CNTNAP2: variants seen among roughly 807,000 people sequenced by gnomAD.
CNTNAP2 encodes the protein contactin-associated protein-like 2.
In CNTNAP2, 98 loss-of-function variants were observed where a neutral mutation model predicts 155.2. The observed-to-expected ratio is 0.63, with a 90% CI of 0.54 to 0.75. The LOEUF is 0.75. Among genes scored for constraint, CNTNAP2 ranks in the 30% least tolerant of loss-of-function variants. The pLI, the probability that CNTNAP2 is intolerant of heterozygous loss-of-function variation, is 0.00. For missense variants in CNTNAP2, 1,727 were observed against 1,688.1 expected (o/e 1.02, Z -0.40); for synonymous variants, 651 against 631.2 (o/e 1.03, Z -0.47).
chr7:146,484,752 C>G (rs1278097046), intron 1 of CNTNAP2, among the ~76,000 whole-genome samples: 1 of 152,110 alleles, frequency 6.6e-6, no homozygotes, highest in Non-Finnish European at 1.5e-5. Context: ...ATTGCTACAC[C>G]CCATGATTAG....
chr7:146,434,837 T>C lies in CNTNAP2; in HGVS notation c.97+317864T>C, dbSNP rs531828446. 8.5e-5 allele frequency among the ~76,000 whole-genome samples: 13 copies of C among 152,234 alleles called. No individual in the cohort carries two copies. In the South Asian group the frequency reaches 1.9e-3, roughly 22 times the overall value. ...TAATTCCTGGGGAAAAAAAAGAAAC[T>C]TGTGGCAGTTCAGAGTGGATTGCAA... On this transcript the variant is annotated intron_variant, in intron 1 of 23. Coordinates refer to ENST00000361727, the MANE Select transcript of CNTNAP2 (RefSeq NM_014141.6).
intron 15 of CNTNAP2, among the ~76,000 whole-genome samples, chr7:148,088,083 T>C (rs1273441766): frequency 1.3e-5 from 2 of 152,092 alleles, no homozygotes; most frequent in Non-Finnish European, 2.9e-5. Flanking sequence ...TTTCACAAAA[T>C]GCATGTGTGC....
chr7:146,773,088 C>G (rs1361073822), intron 1 of CNTNAP2, among the ~76,000 whole-genome samples: 1 of 151,980 alleles, frequency 6.6e-6, no homozygotes, highest in Non-Finnish European at 1.5e-5. Flanking sequence ...TTCCCAGAGA[C>G]CCAGAGAGGG....
At chr7:146,197,196 C>G (rs141301579) in intron 1 of CNTNAP2, among the ~76,000 whole-genome samples, 1 of 152,112 alleles carries the variant, frequency 6.6e-6, no homozygotes, top group South Asian at 2.1e-4. Context: ...GATGTAAAAA[C>G]CAGAAAAGAA....
At chr7:147,031,110 T>C (rs1799024277) in intron 3 of CNTNAP2, among the ~76,000 whole-genome samples, 2 of 152,164 alleles carry the variant, frequency 1.3e-5, no homozygotes, top group South Asian at 2.1e-4. Context: ...ATTGCCAAGA[T>C]TGATAATGTT....
At chr7:148,310,164 A>G (rs1191415907) in intron 21 of CNTNAP2, among the ~76,000 whole-genome samples, 1 of 152,224 alleles carries the variant, frequency 6.6e-6, no homozygotes, top group Non-Finnish European at 1.5e-5. Flanking sequence ...GGGAGGACCT[A>G]GGACATCTAA....
intron 2 of CNTNAP2, among the ~76,000 whole-genome samples, chr7:146,826,836 G>T: frequency 6.9e-6 from 1 of 144,126 alleles, no homozygotes; most frequent in African/African-American, 2.6e-5. Flanking sequence ...ATGAATATAT[G>T]TATATATATA....
intron 1 of CNTNAP2, among the ~76,000 whole-genome samples, chr7:146,489,632 C>G (rs1797109516): frequency 6.6e-6 from 1 of 152,144 alleles, no homozygotes; most frequent in Admixed American, 6.6e-5. Flanking sequence ...GCCCACTTGG[C>G]CTGCGTGTGC....
intron 3 of CNTNAP2, among the ~76,000 whole-genome samples, chr7:146,940,031 G>A (rs536392860): frequency 2.6e-5 from 4 of 152,280 alleles, no homozygotes; most frequent in African/African-American, 9.6e-5. Flanking sequence ...ACAGAAAAGA[G>A]TGTTTTGGCA....
chr7:147,393,806 A>G (rs1047213560), intron 9 of CNTNAP2, among the ~76,000 whole-genome samples: 2 of 152,030 alleles, frequency 1.3e-5, no homozygotes, highest in African/African-American at 4.8e-5. Context: ...AGTTAATTCA[A>G]ATACAATCTT....
rs867954623 is a variant in CNTNAP2 at position 147,867,195 on chromosome 7, G to C, written c.2099-36370G>C. On this transcript the variant is annotated intron_variant, in intron 13 of 23. Coordinates refer to ENST00000361727, the MANE Select transcript of CNTNAP2 (RefSeq NM_014141.6). Reference sequence around the variant, plus strand: ...CTTGTGTGTAAAGGATTTTATTTCTGCTTCACTTATGAAGCTTATTTTGGC... The same window carrying C: ...CTTGTGTGTAAAGGATTTTATTTCTCCTTCACTTATGAAGCTTATTTTGGC... 3.2e-4 allele frequency among the ~76,000 whole-genome samples: 49 copies of C among 152,112 alleles called. 1 individual carries two copies. Among genetic ancestry groups the C allele is most frequent in the African/African-American group, 1.0e-3 (42 of 41,488 alleles).
At chr7:146,421,895 AT>A (rs10626055) in intron 1 of CNTNAP2, among the ~76,000 whole-genome samples, 2 of 151,102 alleles carry the variant, frequency 1.3e-5, no homozygotes, top group Non-Finnish European at 1.5e-5. Flanking sequence ...ATATAGACAG[AT>A]TTTTTTTACA....
chr7:146,404,124 C>CAAAA lies in CNTNAP2; in HGVS notation c.97+287166_97+287169dup, dbSNP rs1163559597. On this transcript the variant is annotated intron_variant, in intron 1 of 23. Coordinates refer to ENST00000361727, the MANE Select transcript of CNTNAP2 (RefSeq NM_014141.6). ...TGGGCGACAGAGCGAGACTCCGTCT[C>CAAAA]AAAAAAAAAAAAAAAAAACAAAGAA... Among the ~76,000 whole-genome samples the CAAAA allele has an allele frequency of 6.3e-3, 459 of 72,722 alleles. 40 individuals carry two copies. The highest frequency in any genetic ancestry group is 0.027 in the African/African-American group (402 of 15,108). 47.7% of individuals were successfully genotyped at this position (72,722 alleles called of 152,430 possible). A position where few individuals can be genotyped will look rare whatever the true frequency, so the allele number is the denominator to read the frequency against.
At chr7:146,358,894 G>A (rs371852542) in intron 1 of CNTNAP2, among the ~76,000 whole-genome samples, 1 of 152,166 alleles carries the variant, frequency 6.6e-6, no homozygotes, top group East Asian at 1.9e-4. Flanking sequence ...CTTGGATTCT[G>A]TTTCTATAGG....
intron 1 of CNTNAP2, among the ~76,000 whole-genome samples, chr7:146,722,287 G>T (rs1801352031): frequency 1.3e-5 from 2 of 152,058 alleles, no homozygotes; most frequent in African/African-American, 4.8e-5. Context: ...ACCCTGTATT[G>T]GGTGACCATT....
At chr7:146,351,177 A>G (rs1475915388) in intron 1 of CNTNAP2, among the ~76,000 whole-genome samples, 2 of 152,076 alleles carry the variant, frequency 1.3e-5, no homozygotes, top group African/African-American at 4.8e-5. Flanking sequence ...CTTAAAGTAT[A>G]ATAATAATAA....
At chr7:146,771,081 C>T (rs1802285956) in intron 1 of CNTNAP2, among the ~76,000 whole-genome samples, 1 of 152,142 alleles carries the variant, frequency 6.6e-6, no homozygotes, top group South Asian at 2.1e-4. Flanking sequence ...CTTGAGAAGG[C>T]AGCATAAAAT....
At position 146,701,664 on chromosome 7, in the gene CNTNAP2, T is replaced by TAC. The variant is rs141030695; in HGVS notation, c.98-72591_98-72590dup. Among the ~76,000 whole-genome samples the TAC allele has an allele frequency of 8.0e-3, 1,204 of 151,150 alleles. 11 individuals are homozygous for TAC. The highest frequency in any genetic ancestry group is 0.02 in the African/African-American group (837 of 41,300). ...AATGTGATTGTTAAATTTTTGTATA[T>TAC]ACACACACACACACACATAGAATTG... On this transcript the variant is annotated intron_variant, in intron 1 of 23. Coordinates refer to ENST00000361727, the MANE Select transcript of CNTNAP2 (RefSeq NM_014141.6).
intron 13 of CNTNAP2, among the ~76,000 whole-genome samples, chr7:147,730,576 A>G (rs1381844722): frequency 6.6e-6 from 1 of 152,066 alleles, no homozygotes; most frequent in East Asian, 1.9e-4. Flanking sequence ...TGCTCCACCG[A>G]CCAGCCATTA....
Sources: allele counts gnomAD v4.1 joint callset (sites outside exome capture counted in the v4.1 genomes callset), GRCh38; gene constraint gnomAD v4.1.1; transcripts MANE v1.5; gene names NCBI Gene and HGNC (gene_info 2026-07-23, HGNC 2026-07-21).